Variants in SND1 observed in about 807,000 individuals in gnomAD.
SND1 encodes the protein staphylococcal nuclease domain-containing protein 1.
Under a neutral mutation model 121.7 loss-of-function variants are expected in SND1, and 38 were observed. The ratio of observed to expected loss-of-function variants is 0.31; its 90% CI spans 0.24 to 0.41. The LOEUF (loss-of-function observed/expected upper bound fraction) is 0.41. SND1 is among the 10% of genes least tolerant of loss of function. SND1 has a pLI of 1.00. For missense variants in SND1, 868 were observed against 1,184.6 expected (o/e 0.73, Z 3.92); for synonymous variants, 401 against 447.4 (o/e 0.90, Z 1.31).
At chr7:128,035,301 T>G (rs1383916794) in intron 16 of SND1, among the ~76,000 whole-genome samples, 1 of 152,256 alleles carries the variant, frequency 6.6e-6, no homozygotes, top group Non-Finnish European at 1.5e-5. Flanking sequence ...TGTAGCTCTG[T>G]GAAGGTTGAT....
At chr7:128,084,544 A>G (rs931912747) in intron 18 of SND1, among the ~76,000 whole-genome samples, 180 bp from the exon 19 acceptor site, 1 of 152,220 alleles carries the variant, frequency 6.6e-6, no homozygotes, top group African/African-American at 2.4e-5. Context: ...GGCAGATGGC[A>G]TGAAACCTCT....
intron 10 of SND1, among the ~76,000 whole-genome samples, chr7:127,731,391 A>T (rs1795791768): frequency 6.6e-6 from 1 of 152,214 alleles, no homozygotes; most frequent in South Asian, 2.1e-4. Context: ...ATTTCTTATA[A>T]AGGGGAAAGA....
intron 1 of SND1, among the ~76,000 whole-genome samples, chr7:127,663,203 T>A (rs191295238): frequency 6.6e-6 from 1 of 152,184 alleles, no homozygotes; most frequent in African/African-American, 2.4e-5. Context: ...ATGCTTTAAA[T>A]CATGTCTAGG....
chr7:127,668,156 C>G (rs1307712437), intron 1 of SND1, among the ~76,000 whole-genome samples: 1 of 152,190 alleles, frequency 6.6e-6, no homozygotes, highest in Non-Finnish European at 1.5e-5. Context: ...AGACCCTACC[C>G]CAAAACTAGT....
intron 16 of SND1, chr7:128,030,792 G>A: frequency 5.0e-6 from 5 of 1,000,218 alleles, no homozygotes; most frequent in South Asian, 4.1e-5. Context: ...CGGATCGGCC[G>A]AAAAAAATCC....
intron 16 of SND1, chr7:128,000,024 C>T (rs926807922): frequency 6.8e-6 from 1 of 146,530 alleles, no homozygotes; most frequent in Admixed American, 7.0e-5. Flanking sequence ...TTTCTCTTAC[C>T]TCTGTAATCA....
chr7:127,929,466 C>A, intron 15 of SND1, 137 bp downstream of exon 15: 1 of 860,588 alleles, frequency 1.2e-6, no homozygotes, highest in Non-Finnish European at 1.9e-6. Flanking sequence ...GATATGCAAA[C>A]ACAGTTTCTA....
chr7:127,721,241 TG>T, intron 9 of SND1, 45 bp from the exon 10 acceptor site: 1 of 1,337,850 alleles, frequency 7.5e-7, no homozygotes, highest in Non-Finnish European at 1.1e-6. Context: ...GGACATGTGA[TG>T]GGGGCCATAG....
chr7:127,708,848 A>G (rs753555207), intron 9 of SND1, among the ~76,000 whole-genome samples: 57 of 152,304 alleles, frequency 3.7e-4, no homozygotes, highest in Admixed American at 2.3e-3. Context: ...GTTAAGTGCC[A>G]AATTCTTGGA....
chr7:127,710,138 T>C (rs1305210920), intron 9 of SND1, among the ~76,000 whole-genome samples: 1 of 152,166 alleles, frequency 6.6e-6, no homozygotes, highest in African/African-American at 2.4e-5. Context: ...ATAAAAAATA[T>C]ATCGTGGCAT....
intron 16 of SND1, among the ~76,000 whole-genome samples, chr7:128,017,309 C>T (rs1433883616): frequency 6.6e-6 from 1 of 152,176 alleles, no homozygotes; most frequent in African/African-American, 2.4e-5. Context: ...GCTATCATCA[C>T]CCCAGAGTGC....
chr7:128,076,568 T>A (rs1793509612), intron 17 of SND1, among the ~76,000 whole-genome samples: 1 of 152,142 alleles, frequency 6.6e-6, no homozygotes, highest in South Asian at 2.1e-4. Flanking sequence ...TGAACCCTGA[T>A]AAGAGCATCT....
intron 12 of SND1, among the ~76,000 whole-genome samples, chr7:127,869,760 G>A (rs1383555749): frequency 1.3e-5 from 2 of 152,148 alleles, no homozygotes; most frequent in East Asian, 3.9e-4. Context: ...TCACAATGAA[G>A]GTAGAAAATT....
intron 16 of SND1, among the ~76,000 whole-genome samples, chr7:128,048,385 G>A (rs1792989473): frequency 6.6e-6 from 1 of 151,902 alleles, no homozygotes; most frequent in Admixed American, 6.6e-5. Flanking sequence ...TACACATTGA[G>A]TGTGCCTTGT....
At chr7:127,862,974 T>C (rs1799406901) in intron 12 of SND1, among the ~76,000 whole-genome samples, 1 of 152,228 alleles carries the variant, frequency 6.6e-6, no homozygotes, top group African/African-American at 2.4e-5. Flanking sequence ...GATGTCTATA[T>C]TTTGATTTTT....
chr7:127,860,178 C>T (rs571951165), intron 12 of SND1, among the ~76,000 whole-genome samples: 176 of 152,262 alleles, frequency 1.2e-3, no homozygotes, highest in African/African-American at 3.9e-3. Flanking sequence ...CAACATTATG[C>T]TTCCTTAATG....
intron 10 of SND1, among the ~76,000 whole-genome samples, chr7:127,789,207 G>A (rs951197377): frequency 6.6e-6 from 1 of 152,190 alleles, no homozygotes; most frequent in Non-Finnish European, 1.5e-5. Context: ...TCTGAGCTAG[G>A]CCAGTGTATC....
At chr7:127,878,466 T>C (rs1799730696) in intron 12 of SND1, among the ~76,000 whole-genome samples, 1 of 152,214 alleles carries the variant, frequency 6.6e-6, no homozygotes, top group Non-Finnish European at 1.5e-5. Flanking sequence ...TCAAAGGTTA[T>C]AGACAATTGG....
chr7:127,838,745 C>T (rs759344943), intron 11 of SND1, among the ~76,000 whole-genome samples: 3 of 152,080 alleles, frequency 2.0e-5, no homozygotes, highest in Non-Finnish European at 2.9e-5. Flanking sequence ...AGTCTTTCTG[C>T]CTGATGATTT....
Sources: allele counts gnomAD v4.1 joint callset (sites outside exome capture counted in the v4.1 genomes callset), GRCh38; gene constraint gnomAD v4.1.1; transcripts MANE v1.5; gene names NCBI Gene and HGNC (gene_info 2026-07-23, HGNC 2026-07-21).